Variants in GCH1 observed in about 807,000 individuals in gnomAD.
GCH1 encodes the protein GTP cyclohydrolase 1, also known as GTP cyclohydrolase I.
Under a neutral mutation model 25.9 loss-of-function variants are expected in GCH1, and 5 were observed. The ratio of observed to expected loss-of-function variants is 0.19; its 90% CI spans 0.10 to 0.41. GCH1 has a LOEUF of 0.41. GCH1 is among the 10% of genes least tolerant of loss of function. The pLI, the probability that GCH1 is intolerant of heterozygous loss-of-function variation, is 1.00. For missense variants in GCH1, 261 were observed against 336.5 expected (o/e 0.78, Z 1.75); for synonymous variants, 159 against 129.6 (o/e 1.23, Z -1.54).
intron 1 of GCH1, among the ~76,000 whole-genome samples, chr14:54,894,821 GTTCA>G (rs1339608733): frequency 6.6e-6 from 1 of 152,040 alleles, no homozygotes; most frequent in African/African-American, 2.4e-5. Context: ...CTATATAAGT[GTTCA>G]TTAACAAACC....
At chr14:54,863,238 T>C (rs996046345) in intron 2 of GCH1, among the ~76,000 whole-genome samples, 2 of 151,054 alleles carry the variant, frequency 1.3e-5, no homozygotes, top group African/African-American at 2.4e-5. Context: ...GCTAACACCG[T>C]GAAACCCCTT....
chr14:54,845,057 C>A (rs2039619981), intron 5 of GCH1, among the ~76,000 whole-genome samples: 1 of 152,044 alleles, frequency 6.6e-6, no homozygotes, highest in African/African-American at 2.4e-5. Flanking sequence ...CCTGTAATCC[C>A]AGCTATTTGG....
At chr14:54,890,580 C>G (rs1233838681) in intron 1 of GCH1, among the ~76,000 whole-genome samples, 2 of 152,174 alleles carry the variant, frequency 1.3e-5, no homozygotes, top group Non-Finnish European at 2.9e-5. Flanking sequence ...CAAGGGTTGA[C>G]TATGGCCAGA....
intron 1 of GCH1, among the ~76,000 whole-genome samples, chr14:54,880,539 T>TATATATATACTCC (rs2040237757): frequency 1.4e-5 from 1 of 69,190 alleles, no homozygotes; most frequent in African/African-American, 6.8e-5. Context: ...ATATACTCCA[T>TATATATATACTCC]ATATATATAT....
intron 1 of GCH1, among the ~76,000 whole-genome samples, chr14:54,880,810 C>CATAT (rs375570607): frequency 9.0e-5 from 4 of 44,644 alleles, no homozygotes; most frequent in South Asian, 6.2e-4. Context: ...ATATATACTC[C>CATAT]ATATATATAT....
chr14:54,888,391 C>G (rs910756142), intron 1 of GCH1, among the ~76,000 whole-genome samples: 8 of 152,190 alleles, frequency 5.3e-5, no homozygotes, highest in African/African-American at 1.9e-4. Context: ...CTGCCTCTCC[C>G]TTCAGAACAG....
chr14:54,889,807 G>C (rs17128052), intron 1 of GCH1, among the ~76,000 whole-genome samples: 29,949 of 152,136 alleles, frequency 0.2, 3,031 homozygotes, highest in Admixed American at 0.23. Flanking sequence ...ATGAGACAGA[G>C]TGGTTTCTCA....
chr14:54,872,610 G>C (rs1361590484), intron 1 of GCH1, among the ~76,000 whole-genome samples: 1 of 152,054 alleles, frequency 6.6e-6, no homozygotes, highest in African/African-American at 2.4e-5. Context: ...CCCATCTCAC[G>C]TGCAGAGACA....
chr14:54,873,263 G>T (rs2040108155), intron 1 of GCH1, among the ~76,000 whole-genome samples: 1 of 152,176 alleles, frequency 6.6e-6, no homozygotes, highest in African/African-American at 2.4e-5. Flanking sequence ...ATAACGAAAT[G>T]AAGGTAGACA....
At chr14:54,900,391 T>C (rs1478776711) in intron 1 of GCH1, among the ~76,000 whole-genome samples, 1 of 151,034 alleles carries the variant, frequency 6.6e-6, no homozygotes, top group Non-Finnish European at 1.5e-5. Context: ...TTTGTATCTT[T>C]AGTAGAGACG....
At chr14:54,884,581 C>A (rs1278988674) in intron 1 of GCH1, among the ~76,000 whole-genome samples, 1 of 151,964 alleles carries the variant, frequency 6.6e-6, no homozygotes, top group Non-Finnish European at 1.5e-5. Context: ...ACCAGCCTGG[C>A]CAACATGGTG....
At chr14:54,881,454 G>GAAAA (rs966285432) in intron 1 of GCH1, among the ~76,000 whole-genome samples, 1 of 151,082 alleles carries the variant, frequency 6.6e-6, no homozygotes, top group Non-Finnish European at 1.5e-5. Flanking sequence ...ATTCAAAGAG[G>GAAAA]AAAAAAAAAT....
At chr14:54,890,712 T>C (rs1293396726) in intron 1 of GCH1, among the ~76,000 whole-genome samples, 1 of 152,206 alleles carries the variant, frequency 6.6e-6, no homozygotes, top group Non-Finnish European at 1.5e-5. Context: ...CTGGTACAGG[T>C]AACTATGAAT....
intron 1 of GCH1, chr14:54,885,061 G>T: frequency 3.2e-6 from 1 of 309,296 alleles, no homozygotes; most frequent in South Asian, 3.7e-5. Context: ...TGCAGACACT[G>T]AACCACCAGT....
intron 1 of GCH1, among the ~76,000 whole-genome samples, chr14:54,883,095 C>G (rs1026312109): frequency 7.2e-5 from 11 of 152,042 alleles, no homozygotes; most frequent in African/African-American, 2.7e-4. Flanking sequence ...CACTGCTGGC[C>G]GGGCGCGGTG....
At chr14:54,873,005 A>G (rs1566673096) in intron 1 of GCH1, among the ~76,000 whole-genome samples, 1 of 151,858 alleles carries the variant, frequency 6.6e-6, no homozygotes, top group Non-Finnish European at 1.5e-5. Flanking sequence ...AAGCAGACCT[A>G]ACAGACATCT....
At chr14:54,859,466 G>A (rs934253151) in intron 3 of GCH1, 33 of 577,794 alleles carry the variant, frequency 5.7e-5, no homozygotes, top group Non-Finnish European at 9.3e-5. Context: ...ATGTATCTAT[G>A]GAAGAAAGGG....
chr14:54,867,565 G>A (rs1277004743), intron 1 of GCH1, among the ~76,000 whole-genome samples: 1 of 121,282 alleles, frequency 8.2e-6, no homozygotes, highest in Non-Finnish European at 1.6e-5. Context: ...TCTAGCCTGG[G>A]CAAGAGAGAA....
chr14:54,875,903 T>G (rs930339955), intron 1 of GCH1, among the ~76,000 whole-genome samples: 19 of 152,364 alleles, frequency 1.2e-4, no homozygotes, highest in African/African-American at 4.3e-4. Flanking sequence ...TTAGTGGGAC[T>G]GTAAACTAGT....
Sources: allele counts gnomAD v4.1 joint callset (sites outside exome capture counted in the v4.1 genomes callset), GRCh38; gene constraint gnomAD v4.1.1; transcripts MANE v1.5; gene names NCBI Gene and HGNC (gene_info 2026-07-23, HGNC 2026-07-21).